NOL4: variants seen among roughly 807,000 people sequenced by gnomAD.
NOL4 encodes cancer/testis antigen 125.
A neutral mutation model predicts 75.9 loss-of-function variants in NOL4; 17 were observed. The observed-to-expected ratio is 0.22, with a 90% CI of 0.15 to 0.34. The LOEUF is 0.34. NOL4 is among the 10% of genes least tolerant of loss of function. The probability of loss-of-function intolerance (pLI) is 1.00; values close to 1 mark genes in which losing one functional copy is unlikely to be tolerated. For missense variants in NOL4, 614 were observed against 793.5 expected (o/e 0.77, Z 2.72); for synonymous variants, 292 against 289.9 (o/e 1.01, Z -0.07).
At chr18:33,882,276 A>G (rs1257118830) in intron 10 of NOL4, among the ~76,000 whole-genome samples, 8 of 152,090 alleles carry the variant, frequency 5.3e-5, no homozygotes, top group African/African-American at 1.7e-4. Flanking sequence ...GCAGCCTACA[A>G]AATGGGAGAA....
intron 1 of NOL4, among the ~76,000 whole-genome samples, chr18:34,134,298 A>G (rs1365616376): frequency 6.6e-6 from 1 of 152,048 alleles, no homozygotes; most frequent in Non-Finnish European, 1.5e-5. Flanking sequence ...ATAATTTTGA[A>G]TGTATATTGT....
At chr18:34,017,832 C>T (rs1173371669) in intron 6 of NOL4, among the ~76,000 whole-genome samples, 2 of 152,090 alleles carry the variant, frequency 1.3e-5, no homozygotes, top group Non-Finnish European at 2.9e-5. Flanking sequence ...AAGCATTCTT[C>T]ATTTACTAAG....
intron 4 of NOL4, among the ~76,000 whole-genome samples, chr18:34,097,855 G>T (rs1459914650): frequency 6.6e-6 from 1 of 152,028 alleles, no homozygotes; most frequent in East Asian, 1.9e-4. Context: ...AAATATATTT[G>T]AAAAGTTTTT....
chr18:34,042,510 G>C (rs1344168591), intron 5 of NOL4, among the ~76,000 whole-genome samples: 2 of 151,970 alleles, frequency 1.3e-5, no homozygotes, highest in Admixed American at 6.6e-5. Context: ...GTAAAGTGTA[G>C]GAGAGGTAGC....
intron 1 of NOL4, among the ~76,000 whole-genome samples, chr18:34,157,390 T>C (rs892808239): frequency 6.6e-6 from 1 of 151,858 alleles, no homozygotes; most frequent in African/African-American, 2.4e-5. Context: ...AGATAGAAAA[T>C]ACAATAAGAA....
At chr18:34,198,207 G>A (rs936572492) in intron 1 of NOL4, among the ~76,000 whole-genome samples, 3 of 151,888 alleles carry the variant, frequency 2.0e-5, no homozygotes, top group South Asian at 4.2e-4. Flanking sequence ...AGTCTTGAAA[G>A]GGTATATTAG....
At chr18:34,164,988 A>G (rs1368947446) in intron 1 of NOL4, among the ~76,000 whole-genome samples, 4 of 151,474 alleles carry the variant, frequency 2.6e-5, no homozygotes, top group Non-Finnish European at 4.4e-5. Context: ...AACTATCGCA[A>G]GGACAAAAAA....
intron 1 of NOL4, among the ~76,000 whole-genome samples, chr18:34,182,855 C>T (rs552049645): frequency 1.7e-4 from 26 of 151,562 alleles, no homozygotes; most frequent in Non-Finnish European, 3.3e-4. Context: ...ATTAGACATT[C>T]GTTTACCAAA....
intron 5 of NOL4, among the ~76,000 whole-genome samples, chr18:34,066,997 C>A (rs1204600738): frequency 6.6e-6 from 1 of 151,896 alleles, no homozygotes; most frequent in Non-Finnish European, 1.5e-5. Flanking sequence ...ATGGATAAAG[C>A]ATACAGAAAA....
At chr18:34,213,054 G>C (rs931389253) in intron 1 of NOL4, among the ~76,000 whole-genome samples, 10 of 152,150 alleles carry the variant, frequency 6.6e-5, no homozygotes, top group African/African-American at 2.4e-4. Context: ...CAAAGGAGAA[G>C]GGATTATACA....
chr18:33,993,859 GAAGA>G (rs1320918383), intron 6 of NOL4, among the ~76,000 whole-genome samples: 2 of 151,248 alleles, frequency 1.3e-5, no homozygotes, highest in Non-Finnish European at 3.0e-5. Flanking sequence ...TGACCTGATA[GAAGA>G]AAGAGGAAAA....
At chr18:34,222,224 G>T in intron 1 of NOL4, 1 of 1,409,916 alleles carries the variant, frequency 7.1e-7, no homozygotes, top group Non-Finnish European at 9.2e-7. Context: ...TGAGACTAGA[G>T]CCACCCCAGA....
intron 10 of NOL4, among the ~76,000 whole-genome samples, chr18:33,875,171 T>C (rs538286034): frequency 2.6e-5 from 4 of 152,112 alleles, no homozygotes; most frequent in Admixed American, 2.0e-4. Flanking sequence ...AGAGATCCAA[T>C]GAATAACTGC....
intron 10 of NOL4, among the ~76,000 whole-genome samples, chr18:33,880,779 C>T (rs1467118942): frequency 1.3e-5 from 2 of 151,600 alleles, no homozygotes; most frequent in Non-Finnish European, 2.9e-5. Flanking sequence ...GAATGGATCA[C>T]TATTTAGAAG....
At chr18:34,193,361 T>C (rs192706389) in intron 1 of NOL4, among the ~76,000 whole-genome samples, 1 of 152,266 alleles carries the variant, frequency 6.6e-6, no homozygotes, top group East Asian at 1.9e-4. Context: ...ACCATGCATA[T>C]ATTAAAGGGG....
intron 1 of NOL4, among the ~76,000 whole-genome samples, chr18:34,165,666 G>T (rs1568412153): frequency 6.6e-6 from 1 of 152,042 alleles, no homozygotes; most frequent in East Asian, 1.9e-4. Flanking sequence ...TAGAATTAAG[G>T]AGACTAGAAA....
At chr18:33,854,267 A>T (rs1328474113) in intron 10 of NOL4, among the ~76,000 whole-genome samples, 1 of 152,216 alleles carries the variant, frequency 6.6e-6, no homozygotes, top group Non-Finnish European at 1.5e-5. Context: ...CTACCTCCAC[A>T]GAGGAGACAG....
intron 1 of NOL4, among the ~76,000 whole-genome samples, chr18:34,213,521 C>T (rs2036662905): frequency 6.6e-6 from 1 of 152,202 alleles, no homozygotes; most frequent in African/African-American, 2.4e-5. Context: ...ATCTCTTGAC[C>T]TTGTGATCTA....
At chr18:33,993,170 A>G (rs2073044752) in intron 6 of NOL4, among the ~76,000 whole-genome samples, 1 of 151,940 alleles carries the variant, frequency 6.6e-6, no homozygotes, top group Non-Finnish European at 1.5e-5. Flanking sequence ...CCTGAGTTTT[A>G]TTGCCTTAGT....
Sources: gnomAD v4.1 joint callset for allele counts (sites outside exome capture counted in the v4.1 genomes callset) on GRCh38, gnomAD v4.1.1 for gene constraint, MANE v1.5 for transcripts, NCBI Gene and HGNC (gene_info 2026-07-23, HGNC 2026-07-21) for gene names.